The following GNL3L variants were observed in gnomAD, a reference collection of about 807,000 sequenced individuals.
The protein encoded by GNL3L is guanine nucleotide-binding protein-like 3-like protein.
In GNL3L, 4 loss-of-function variants were observed where a neutral mutation model predicts 42.9. The ratio of observed to expected loss-of-function variants is 0.09; its 90% CI spans 0.05 to 0.21. The LOEUF (loss-of-function observed/expected upper bound fraction) is 0.21. Ranked by LOEUF, GNL3L falls within the 10% of genes least tolerant of loss-of-function variation. GNL3L has a pLI of 1.00. For synonymous variants in GNL3L, 159 were observed against 176.3 expected, an observed-to-expected ratio of 0.90 and a Z score of 0.78; for missense variants, 412 against 481.7, an observed-to-expected ratio of 0.86 and a Z score of 1.36.
intron 14 of GNL3L, among the ~76,000 whole-genome samples, chrX:54,557,954 GCT>G (rs1351437533): frequency 9.1e-6 from 1 of 110,231 alleles, no homozygotes; most frequent in African/African-American, 3.3e-5. Context: ...TGCGATCTCG[GCT>G]CTCTGCAACT....
chrX:54,645,537 G>T, the GNL3L span, among the ~76,000 whole-genome samples: 1 of 111,760 alleles, frequency 8.9e-6, no homozygotes, highest in East Asian at 2.8e-4. Context: ...TCTTAGAATG[G>T]ACCCCACAGT....
At chrX:54,630,708 T>TTC in the GNL3L span, among the ~76,000 whole-genome samples, 29,579 of 57,858 alleles carry the variant, frequency 0.51, 7,502 homozygotes, top group Non-Finnish European at 0.55. Context: ...CTTTCTTTCT[T>TTC]TTTCTTTCTT....
rs1925299353 is a variant in GNL3L, at chrX:54,562,532, A to G, written c.*1930A>G. ...AAAGGAGAGAATTACGTACTTGTTG[A>G]GTACAAACTGCACCAAGCCCTGGAG... On this transcript the variant is annotated 3_prime_UTR_variant, in exon 16 of 16. Transcript: ENST00000360845. Among the ~76,000 whole-genome samples the G allele has an allele frequency of 9.0e-6, 1 of 111,434 alleles. No individual in the cohort carries two copies. The highest frequency in any genetic ancestry group is 3.8e-4 in the South Asian group (1 of 2,652).
At position 54,530,265 on chromosome X, in the gene GNL3L, G is replaced by T. The variant is rs1279267336; in HGVS notation, c.-202G>T. 1.9e-5 allele frequency: 2 copies of T among 105,984 alleles called. No individual in the cohort carries two copies. Among genetic ancestry groups the T allele is most frequent in the African/African-American group, 6.8e-5 (2 of 29,436 alleles). The allele number at this position is 105,984 out of a possible 1,213,427, so 8.7% of individuals were successfully genotyped here. On this transcript the variant is annotated 5_prime_UTR_variant, in exon 1 of 16. Transcript: ENST00000360845. ...GAGTTTCTGCTCGCTCAACCGAGTT[G>T]TCGTGTTGCCCTCGCTTCTCAGATC...
In GNL3L at chrX:54,566,598, A is replaced by G. The variant is rs752203709; in HGVS notation, c.*5996A>G. The stretch of plus-strand genomic sequence containing the variant: ...TGGCTTATTTCACTTTGCATAATGT[A>G]TTCAAGCTTAATCTGTGTTGTAGCC... On this transcript the variant is annotated 3_prime_UTR_variant, in exon 16 of 16. Transcript: ENST00000360845. 8.9e-6 allele frequency among the ~76,000 whole-genome samples: 1 copy of G among 112,573 alleles called. No individual in the cohort carries two copies. Among genetic ancestry groups the G allele is most frequent in the African/African-American group, 3.2e-5 (1 of 31,082 alleles).
At chrX:54,548,059 C>G (rs770521744) in intron 8 of GNL3L, among the ~76,000 whole-genome samples, 170 bp from the exon 9 acceptor site, 1 of 111,877 alleles carries the variant, frequency 8.9e-6, no homozygotes, top group Non-Finnish European at 1.9e-5. Context: ...GACACAAAGA[C>G]AGTGGAGGGG....
At position 54,554,549 on chromosome X, in the gene GNL3L, G is replaced by A. The variant is rs756541305; in HGVS notation, c.1319-16G>A. 5.8e-6 allele frequency: 7 copies of A among 1,207,941 alleles called. No individual in the cohort carries two copies. The East Asian group carries it at 2.1e-4, about 36-fold the overall frequency. ...GGGGAGCCAGGGCCCTGACAGTGGT[G>A]TTGGTTGTGTTAAAGGCTTGGCCAC... On this transcript the variant is annotated splice_polypyrimidine_tract_variant and intron_variant, in intron 13 of 15. Transcript: ENST00000360845.
At chrX:54,568,617 G>C (rs67730776), downstream of GNL3L, among the ~76,000 whole-genome samples, 13,735 of 107,458 alleles carry the variant, frequency 0.13, 1,387 homozygotes, top group African/African-American at 0.33. Context: ...GCAGTGGCAC[G>C]ATCTCCGCTC....
chrX:54,609,588 C>T (rs1438825003), intron 16 of GNL3L, among the ~76,000 whole-genome samples: 3 of 112,060 alleles, frequency 2.7e-5, no homozygotes, highest in South Asian at 3.7e-4. Flanking sequence ...TATTCCAGCA[C>T]GATTTGTTGA....
chrX:54,542,932 T>G, intron 5 of GNL3L, 23 bp from the exon 6 acceptor site: 1 of 1,025,631 alleles, frequency 9.8e-7, no homozygotes, highest in Non-Finnish European at 1.4e-6. Context: ...CCCTGGACCA[T>G]TCTCTTTTTT....
In GNL3L at chrX:54,563,771, G is replaced by A. The variant is rs1172366395; in HGVS notation, c.*3169G>A. Reference sequence around the variant, plus strand: ...ACTGCTCTCCAGCGTGGGCAACAGAGTGAGACTGTCTCAGGGGGAAAAAAA... The same window carrying A: ...ACTGCTCTCCAGCGTGGGCAACAGAATGAGACTGTCTCAGGGGGAAAAAAA... On this transcript the variant is annotated 3_prime_UTR_variant, in exon 16 of 16. Coordinates refer to ENST00000360845, the MANE Select transcript of GNL3L (RefSeq NM_001184819.2). 9.2e-6 allele frequency among the ~76,000 whole-genome samples: 1 copy of A among 108,173 alleles called. No individual in the cohort carries two copies. The highest frequency in any genetic ancestry group is 1.9e-5 in the Non-Finnish European group (1 of 52,913). 93.9% of individuals were successfully genotyped at this position (108,173 alleles called of 115,157 possible). A position where few individuals can be genotyped will look rare whatever the true frequency, so the allele number is the denominator to read the frequency against.
In GNL3L at chrX:54,544,197, C is replaced by T. The variant is rs771312687; in HGVS notation, c.527-26C>T. On this transcript the variant is annotated intron_variant, in intron 7 of 15. Coordinates refer to ENST00000360845, the MANE Select transcript of GNL3L (RefSeq NM_001184819.2). ...TGGAGGTGTTGTTCTGCTTACCAGCCCCATCTGTTCCTATATTTACCCCAG... is the reference window on the plus strand; with the variant it reads ...TGGAGGTGTTGTTCTGCTTACCAGCTCCATCTGTTCCTATATTTACCCCAG... The T allele has an allele frequency of 5.7e-5, 49 of 854,669 alleles. No individual in the cohort carries two copies. The East Asian group carries it at 1.3e-3, about 22-fold the overall frequency. 70.4% of individuals were successfully genotyped at this position (854,669 alleles called of 1,213,427 possible).
chrX:54,613,816 C>CGCTGTGG (rs1385684896), intron 16 of GNL3L, among the ~76,000 whole-genome samples: 1 of 110,354 alleles, frequency 9.1e-6, no homozygotes, highest in African/African-American at 3.3e-5. Flanking sequence ...GTGGAGGTGG[C>CGCTGTGG]AGGGGCAGGG....
At chrX:54,603,855 A>G (rs1363308938) in intron 16 of GNL3L, among the ~76,000 whole-genome samples, 1 of 111,852 alleles carries the variant, frequency 8.9e-6, no homozygotes, top group African/African-American at 3.3e-5. Flanking sequence ...TCCAAATAAA[A>G]AATTTAAAAA....
At chrX:54,552,158 C>T in intron 12 of GNL3L, 134 bp from the exon 13 acceptor site, 1 of 804,114 alleles carries the variant, frequency 1.2e-6, no homozygotes, top group Non-Finnish European at 1.8e-6. Flanking sequence ...CAACTCAACT[C>T]CTTCTTGTTC....
rs1461309150 is a variant in GNL3L, at chrX:54,567,281, C to T, written c.*6679C>T. 9.0e-6 allele frequency among the ~76,000 whole-genome samples: 1 copy of T among 110,737 alleles called. No homozygotes were observed. The highest frequency in any genetic ancestry group is 1.9e-5 in the Non-Finnish European group (1 of 52,939). ...GTGAATAAACATGGTTTTATTTCTT[C>T]ATGTCTAATATATATGTCTGCATTT... On this transcript the variant is annotated 3_prime_UTR_variant, in exon 16 of 16. Transcript: ENST00000360845.
intron 9 of GNL3L, among the ~76,000 whole-genome samples, chrX:54,549,394 C>T (rs1420584788): frequency 6.3e-5 from 7 of 111,755 alleles, no homozygotes; most frequent in African/African-American, 1.6e-4. Flanking sequence ...TCCCCCAACG[C>T]GCATAGAACC....
At chrX:54,599,988 C>T (rs1925983055) in intron 16 of GNL3L, among the ~76,000 whole-genome samples, 1 of 109,913 alleles carries the variant, frequency 9.1e-6, no homozygotes, top group South Asian at 3.9e-4. Context: ...TTGTTTCAAG[C>T]ACATTCATAA....
At chrX:54,537,999 G>C (rs916870554) in intron 2 of GNL3L, among the ~76,000 whole-genome samples, 3 of 110,798 alleles carry the variant, frequency 2.7e-5, no homozygotes, top group African/African-American at 9.9e-5. Flanking sequence ...TTAAGAATTT[G>C]CAGTAGCTCG....
Sources: allele counts gnomAD v4.1 joint callset (sites outside exome capture counted in the v4.1 genomes callset), GRCh38; gene constraint gnomAD v4.1.1; transcripts MANE v1.5; gene names NCBI Gene and HGNC (gene_info 2026-07-23, HGNC 2026-07-21).